CHD6: variants seen among roughly 807,000 people sequenced by gnomAD.
The protein encoded by CHD6 is chromodomain helicase DNA binding protein 6.
In CHD6, 50 loss-of-function variants were observed where a neutral mutation model predicts 276.9. The ratio of observed to expected loss-of-function variants is 0.18; its 90% CI spans 0.14 to 0.23. The LOEUF is 0.23. CHD6 is among the 10% of genes least tolerant of loss of function. The pLI, the probability that CHD6 is intolerant of heterozygous loss-of-function variation, is 1.00. For synonymous variants in CHD6, 1,173 were observed against 1,229.3 expected (o/e 0.95, Z 0.96); for missense variants, 2,564 against 3,365.8 (o/e 0.76, Z 5.89).
intron 27 of CHD6, among the ~76,000 whole-genome samples, chr20:41,433,755 G>T (rs974540223): frequency 6.6e-6 from 1 of 152,018 alleles, no homozygotes; most frequent in Non-Finnish European, 1.5e-5. Flanking sequence ...TGACAGTTGA[G>T]GCAAAAATTT....
intron 1 of CHD6, among the ~76,000 whole-genome samples, chr20:41,580,670 A>G (rs2045527949): frequency 7.1e-6 from 1 of 140,424 alleles, no homozygotes; most frequent in Non-Finnish European, 1.5e-5. Context: ...AAAGGAAAAG[A>G]CAACAAAAAA....
At chr20:41,564,570 T>C (rs949745187) in intron 1 of CHD6, among the ~76,000 whole-genome samples, 12 of 152,232 alleles carry the variant, frequency 7.9e-5, no homozygotes, top group African/African-American at 2.9e-4. Flanking sequence ...AACTGTTCTA[T>C]ATCTTGATTG....
In CHD6 at chr20:41,514,843, G is replaced by A; in HGVS notation, c.664C>T (p.Arg222Trp). Residue 222 changes from arginine (R) to tryptophan (W), a missense_variant, in exon 4 of 37, where the codon CGG (arginine) becomes TGG (tryptophan). This residue lies in a region of CHD6 where 286 missense variants were observed against 297.8 expected (regional missense o/e 0.96). Transcript: ENST00000373233. ...LDQGLTNPSL[R>W]SPEESTESTD... ...GACTCAGTGGACTCCTCAGGACTCC[G>A]CAGAGATGGGTTCGTCAGGCCCTGA... 1 of 1,614,020 alleles carries A rather than the reference G, an allele frequency of 6.2e-7. No individual in the cohort carries two copies. The highest frequency in any genetic ancestry group is 8.5e-7 in the Non-Finnish European group (1 of 1,179,950).
At chr20:41,612,011 T>C (rs1307799983) in intron 1 of CHD6, among the ~76,000 whole-genome samples, 1 of 152,208 alleles carries the variant, frequency 6.6e-6, no homozygotes, top group Non-Finnish European at 1.5e-5. Context: ...GAAGTAGTTT[T>C]TGGTTTTGCT....
intron 31 of CHD6, among the ~76,000 whole-genome samples, chr20:41,418,288 A>T (rs1333063637): frequency 1.3e-5 from 2 of 152,188 alleles, no homozygotes; most frequent in Non-Finnish European, 2.9e-5. Context: ...AAGTACTATC[A>T]AGGGAAAGAA....
At chr20:41,441,342 T>C (rs777659630) in intron 25 of CHD6, among the ~76,000 whole-genome samples, 1 of 152,156 alleles carries the variant, frequency 6.6e-6, no homozygotes, top group Non-Finnish European at 1.5e-5. Flanking sequence ...ATCACTGTTG[T>C]AGGAAGAAGA....
At chr20:41,577,780 T>G (rs1191413091) in intron 1 of CHD6, among the ~76,000 whole-genome samples, 1 of 152,212 alleles carries the variant, frequency 6.6e-6, no homozygotes, top group African/African-American at 2.4e-5. Context: ...CAATCCATTC[T>G]CTCCCTCTCT....
intron 8 of CHD6, 40 bp downstream of exon 8, chr20:41,497,344 G>T: frequency 1.6e-6 from 2 of 1,244,954 alleles, no homozygotes; most frequent in Non-Finnish European, 2.4e-6. Flanking sequence ...ACTGCTGCAA[G>T]AAAAGCAGCA....
rs901698132 is a variant in CHD6, at chr20:41,458,804, G to A, written c.2665-1376C>T. On this transcript the variant is annotated intron_variant, in intron 17 of 36. Coordinates refer to ENST00000373233, the MANE Select transcript of CHD6 (RefSeq NM_032221.5). ...GGGAATGTTTTTTCTCCCTGAGTAA[G>A]CAAGCAGAGGGGTGATTACTGACAC... Among the ~76,000 whole-genome samples the A allele has an allele frequency of 2.0e-5, 3 of 152,084 alleles. No homozygotes were observed. In the South Asian group the frequency reaches 6.2e-4, roughly 32 times the overall value.
At chr20:41,480,728 T>A (rs2043275701) in intron 16 of CHD6, among the ~76,000 whole-genome samples, 1 of 152,110 alleles carries the variant, frequency 6.6e-6, no homozygotes, top group African/African-American at 2.4e-5. Context: ...AGAAATAGCA[T>A]AAAGAGTTGA....
intron 3 of CHD6, among the ~76,000 whole-genome samples, chr20:41,522,608 T>TA (rs1177795574): frequency 1.3e-5 from 2 of 152,090 alleles, no homozygotes; most frequent in East Asian, 3.9e-4. Flanking sequence ...AGGCCTGACA[T>TA]ACGTAACTTG....
chr20:41,610,223 G>C (rs971902390), intron 1 of CHD6, among the ~76,000 whole-genome samples: 1 of 152,024 alleles, frequency 6.6e-6, no homozygotes, highest in Non-Finnish European at 1.5e-5. Context: ...TTTTGCAATA[G>C]ATTTTGATGA....
intron 2 of CHD6, among the ~76,000 whole-genome samples, chr20:41,546,512 C>T (rs982394195): frequency 1.3e-5 from 2 of 152,174 alleles, no homozygotes; most frequent in Admixed American, 6.5e-5. Flanking sequence ...TTATACATTA[C>T]ATAATATTTA....
intron 5 of CHD6, among the ~76,000 whole-genome samples, chr20:41,509,071 C>T (rs1232501104): frequency 1.3e-5 from 2 of 152,082 alleles, no homozygotes; most frequent in Non-Finnish European, 2.9e-5. Flanking sequence ...AAAGTGATGC[C>T]TGTTTTTGCA....
At position 41,533,164 on chromosome 20, in the gene CHD6, T is replaced by G. The variant is rs753452732; in HGVS notation, c.440A>C (p.Gln147Pro). Reference sequence around the variant, plus strand: ...CCGTGCCTTCTTTGCCCCATCTTTTTGCTTCGGCTCCTTGTGCTCCTTGGC... The same window carrying G: ...CCGTGCCTTCTTTGCCCCATCTTTTGGCTTCGGCTCCTTGTGCTCCTTGGC... ...KKAKEHKEPK[Q>P]KDGAKKARKP... The change falls in exon 3 of 37, where the codon CAA becomes CCA. Residue 147 changes from glutamine to proline, a missense_variant. By Grantham distance (76) the Gln-to-Pro change is moderately conservative (BLOSUM62 -1). This residue lies in a region of CHD6 where 286 missense variants were observed against 297.8 expected (regional missense o/e 0.96). Coordinates refer to ENST00000373233, the MANE Select transcript of CHD6 (RefSeq NM_032221.5). 6.2e-7 allele frequency: 1 copy of G among 1,614,136 alleles called. No individual in the cohort carries two copies.
chr20:41,478,076 AGAG>A (rs1182828338), intron 16 of CHD6, among the ~76,000 whole-genome samples: 1 of 152,174 alleles, frequency 6.6e-6, no homozygotes, highest in Non-Finnish European at 1.5e-5. Context: ...GGGGAGAGTA[AGAG>A]GAACAGGACC....
intron 1 of CHD6, among the ~76,000 whole-genome samples, chr20:41,566,350 G>A (rs528061733): frequency 2.0e-5 from 3 of 152,250 alleles, no homozygotes; most frequent in East Asian, 1.9e-4. Flanking sequence ...TGAGGGAAGG[G>A]ATAACTACTA....
chr20:41,590,160 T>G (rs2045641562), intron 1 of CHD6, among the ~76,000 whole-genome samples: 1 of 152,174 alleles, frequency 6.6e-6, no homozygotes, highest in South Asian at 2.1e-4. Context: ...TGGCTAGCCA[T>G]ATGTAGAAAG....
intron 28 of CHD6, 69 bp from the exon 29 acceptor site, chr20:41,425,463 T>C (rs1371864788): frequency 1.4e-6 from 2 of 1,428,508 alleles, no homozygotes; most frequent in African/African-American, 2.8e-5. Context: ...TCTTTTGGTT[T>C]TGTTTAAATA....
Sources: allele counts gnomAD v4.1 joint callset (sites outside exome capture counted in the v4.1 genomes callset), GRCh38; gene constraint gnomAD v4.1.1; regional missense constraint gnomAD v4.1.1; transcripts MANE v1.5; gene names NCBI Gene and HGNC (gene_info 2026-07-23, HGNC 2026-07-21).